The following CBY1 variants were observed in gnomAD, a reference collection of about 807,000 sequenced individuals.
The protein encoded by CBY1 is protein chibby homolog 1.
CBY1 carries 10 observed loss-of-function variants against 15.6 expected under a neutral mutation model. The ratio of observed to expected loss-of-function variants is 0.64; its 90% CI spans 0.40 to 1.09. The LOEUF is 1.09. Ranked by LOEUF, CBY1 falls within the 50% of genes least tolerant of loss-of-function variation. The pLI is 0.01. For missense variants in CBY1, 150 were observed against 160.5 expected (o/e 0.93, Z 0.35); for synonymous variants, 61 against 63.5 (o/e 0.96, Z 0.19).
Position 38,659,580 on chromosome 22 carries a change from T to A in CBY1, c.-39+2830T>A, listed in dbSNP as rs1051779133. On this transcript the variant is annotated intron_variant, in intron 1 of 4. Transcript: ENST00000216029. ...CCACAATTTTATTATAAGAATGTGC[T>A]GGCCGGGCACGGTGGCTCACACCTG... Among the ~76,000 whole-genome samples the A allele has an allele frequency of 7.9e-4, 120 of 151,972 alleles. 1 individual carries two copies. Among genetic ancestry groups the A allele is most frequent in the Admixed American group, 6.8e-3 (104 of 15,282 alleles).
intron 1 of CBY1, among the ~76,000 whole-genome samples, chr22:38,667,359 A>G (rs1046006704): frequency 1.3e-5 from 2 of 151,966 alleles, no homozygotes; most frequent in African/African-American, 4.8e-5. Flanking sequence ...CCTAGACTGG[A>G]GAGCAGCAGT....
intron 1 of CBY1, among the ~76,000 whole-genome samples, chr22:38,660,033 G>A (rs2092417667): frequency 6.6e-6 from 1 of 151,998 alleles, no homozygotes; most frequent in South Asian, 2.1e-4. Flanking sequence ...TCCAAAAAGT[G>A]TACACATTGA....
intron 1 of CBY1, among the ~76,000 whole-genome samples, chr22:38,662,992 C>T (rs1204672244): frequency 3.3e-5 from 5 of 151,718 alleles, no homozygotes; most frequent in Admixed American, 6.6e-5. Flanking sequence ...TGGTGGCAGG[C>T]GCCTGTAATC....
chr22:38,670,804 C>A, intron 2 of CBY1, 80 bp from the exon 3 acceptor site: 1 of 862,250 alleles, frequency 1.2e-6, no homozygotes, highest in Non-Finnish European at 2.0e-6. Context: ...TTGTTGGGGT[C>A]ATATTGTTGG....
chr22:38,664,314 A>T (rs2092430259), intron 1 of CBY1, among the ~76,000 whole-genome samples: 1 of 151,894 alleles, frequency 6.6e-6, no homozygotes, highest in South Asian at 2.1e-4. Context: ...TCTATTAAAA[A>T]TACAAAAATT....
At chr22:38,667,928 A>G (rs958948383) in intron 1 of CBY1, 89 bp from the exon 2 acceptor site, 228 of 675,638 alleles carry the variant, frequency 3.4e-4, no homozygotes, top group Non-Finnish European at 4.6e-4. Flanking sequence ...TAGTAGCCAC[A>G]TGATAAAATG....
At chr22:38,662,397 T>G (rs2092424730) in intron 1 of CBY1, among the ~76,000 whole-genome samples, 1 of 152,120 alleles carries the variant, frequency 6.6e-6, no homozygotes, top group Non-Finnish European at 1.5e-5. Flanking sequence ...ATACAAATAT[T>G]AATTCAAGAT....
In CBY1 at chr22:38,659,539, C is replaced by T. The variant is rs141535474; in HGVS notation, c.-39+2789C>T. ...TGCTGAGATTATAGGCATGAGCCAC[C>T]GTGCCCGGCTTAGGCCCACAATTTT... On this transcript the variant is annotated intron_variant, in intron 1 of 4. Transcript: ENST00000216029. Among the ~76,000 whole-genome samples, 149 of 152,180 alleles carry T rather than the reference C, an allele frequency of 9.8e-4. 2 individuals carry two copies. In the East Asian group the frequency reaches 0.021, roughly 21 times the overall value.
intron 1 of CBY1, among the ~76,000 whole-genome samples, chr22:38,660,979 T>G (rs2092420796): frequency 6.6e-6 from 1 of 152,242 alleles, no homozygotes; most frequent in African/African-American, 2.4e-5. Context: ...GCAGAAACAG[T>G]GCCAGGGCCT....
chr22:38,660,099 C>G (rs1379979791), intron 1 of CBY1, among the ~76,000 whole-genome samples: 1 of 152,070 alleles, frequency 6.6e-6, no homozygotes, highest in Non-Finnish European at 1.5e-5. Context: ...TCTGATTCCA[C>G]CAGTAATAAC....
intron 1 of CBY1, among the ~76,000 whole-genome samples, chr22:38,660,393 C>T (rs1953602176): frequency 6.6e-6 from 1 of 151,920 alleles, no homozygotes; most frequent in African/African-American, 2.4e-5. Context: ...CGGGGTTTCA[C>T]TGTGTTGGCC....
intron 1 of CBY1, among the ~76,000 whole-genome samples, chr22:38,660,599 CAT>C (rs1425929935): frequency 1.3e-5 from 2 of 150,644 alleles, no homozygotes; most frequent in East Asian, 3.9e-4. Context: ...ACACGTATAC[CAT>C]ATATGTGTGT....
At chr22:38,661,395 C>T (rs912793284) in intron 1 of CBY1, among the ~76,000 whole-genome samples, 2 of 152,062 alleles carry the variant, frequency 1.3e-5, no homozygotes, top group Admixed American at 6.6e-5. Flanking sequence ...AGACTGGTCT[C>T]GAACTTCTGA....
At chr22:38,662,747 C>T (rs1240552832) in intron 1 of CBY1, among the ~76,000 whole-genome samples, 1 of 152,094 alleles carries the variant, frequency 6.6e-6, no homozygotes, top group African/African-American at 2.4e-5. Context: ...TTGCCTGCCT[C>T]TGCCTCCCAA....
At chr22:38,657,038 CGTGCATCTGCGTAA>C in intron 1 of CBY1, 1 of 573,168 alleles carries the variant, frequency 1.7e-6, no homozygotes, top group Non-Finnish European at 2.2e-6. Flanking sequence ...CCCTGGGGGC[CGTGCATCTGCGTAA>C]CATGGCTACC....
chr22:38,661,323 A>G (rs1200722385), intron 1 of CBY1, among the ~76,000 whole-genome samples: 6 of 152,126 alleles, frequency 3.9e-5, no homozygotes, highest in Admixed American at 2.0e-4. Context: ...ACAGGTGAGC[A>G]CCACCACTCC....
At chr22:38,672,883 G>A (rs1176511344) in intron 4 of CBY1, among the ~76,000 whole-genome samples, 4 of 152,002 alleles carry the variant, frequency 2.6e-5, no homozygotes, top group East Asian at 1.9e-4. Context: ...TGCCTTTGAC[G>A]TCCTCTGAGA....
At chr22:38,659,022 G>C (rs1422907687) in intron 1 of CBY1, among the ~76,000 whole-genome samples, 1 of 152,134 alleles carries the variant, frequency 6.6e-6, no homozygotes, top group East Asian at 1.9e-4. Context: ...TGCAACCTCT[G>C]CCTCCTGGGT....
chr22:38,667,463 T>G (rs2092440190), intron 1 of CBY1: 1 of 152,412 alleles, frequency 6.6e-6, no homozygotes, highest in Non-Finnish European at 1.5e-5. Context: ...CATGCGCCAC[T>G]GTGTGCCACC....
Sources: gnomAD v4.1 joint callset for allele counts (sites outside exome capture counted in the v4.1 genomes callset) on GRCh38, gnomAD v4.1.1 for gene constraint, MANE v1.5 for transcripts, NCBI Gene and HGNC (gene_info 2026-07-23, HGNC 2026-07-21) for gene names.